Variants in SQSTM1 observed in about 807,000 individuals in gnomAD.
SQSTM1 encodes sequestosome 1.
In SQSTM1, 36 loss-of-function variants were observed where a neutral mutation model predicts 45.1. The observed-to-expected ratio is 0.80, with a 90% CI of 0.61 to 1.05. The LOEUF (loss-of-function observed/expected upper bound fraction) is 1.05. Among genes scored for constraint, SQSTM1 ranks in the 50% least tolerant of loss-of-function variants. SQSTM1 has a pLI of 0.00. For missense variants in SQSTM1, 617 were observed against 607.1 expected, an observed-to-expected ratio of 1.02 and a Z score of -0.17; for synonymous variants, 290 against 244.3, an observed-to-expected ratio of 1.19 and a Z score of -1.74.
upstream of SQSTM1, among the ~76,000 whole-genome samples, chr5:179,819,335 C>G (rs542923131): frequency 2.7e-5 from 4 of 149,112 alleles, no homozygotes; most frequent in Admixed American, 6.6e-5. Flanking sequence ...CGCCCCCCCC[C>G]CAGTCTCTTC....
chr5:179,806,393 G>C, upstream of SQSTM1: 1 of 729,466 alleles, frequency 1.4e-6, no homozygotes. The surrounding 1 kb of genome is among the most constrained non-coding windows in gnomAD (Gnocchi z 4.6). Context: ...CGCCTGCGTC[G>C]GCTTCCGGCC....
chr5:179,816,754 C>T (rs972634216), upstream of SQSTM1, among the ~76,000 whole-genome samples: 2 of 151,396 alleles, frequency 1.3e-5, no homozygotes, highest in Non-Finnish European at 2.9e-5. Flanking sequence ...GGTCACTTTG[C>T]CGTCTTCCTC....
intron 1 of SQSTM1, 156 bp from the exon 2 acceptor site, chr5:179,822,802 A>G: frequency 1.4e-6 from 1 of 711,496 alleles, no homozygotes; most frequent in South Asian, 1.5e-5. Flanking sequence ...GCAAGGGGGT[A>G]GTCTTGCCTC....
Position 179,833,156 on chromosome 5 carries a change from CAGCAAGCCGGGT to C in SQSTM1, c.880_891del (p.Ser294_Gly297del), listed in dbSNP as rs1758323464. 4 of 1,614,012 alleles carry C rather than the reference CAGCAAGCCGGGT, an allele frequency of 2.5e-6. No homozygotes were observed. The highest frequency in any genetic ancestry group is 3.4e-6 in the Non-Finnish European group (4 of 1,180,028). ...AGCCAAGCAGCTGCTGCTCTGACCC[CAGCAAGCCGGGT>C]GGGAATGTTGAGGGCGCCACGCAGT... On this transcript the variant is annotated inframe_deletion, in exon 6 of 8. Transcript: ENST00000389805.
At chr5:179,829,980 T>C (rs1758145435) in intron 5 of SQSTM1, among the ~76,000 whole-genome samples, 1 of 152,068 alleles carries the variant, frequency 6.6e-6, no homozygotes, top group African/African-American at 2.4e-5. Context: ...CATGGAGTTG[T>C]GTACTTATGG....
At chr5:179,836,105 G>C (rs1758541213) in intron 7 of SQSTM1, 2 of 452,374 alleles carry the variant, frequency 4.4e-6, no homozygotes, top group African/African-American at 2.0e-5. Flanking sequence ...CTTGCATGGA[G>C]GAGTGTAATA....
At chr5:179,832,613 C>T (rs564756630) in intron 5 of SQSTM1, among the ~76,000 whole-genome samples, 17 of 152,204 alleles carry the variant, frequency 1.1e-4, no homozygotes, top group African/African-American at 3.9e-4. Flanking sequence ...CCGTGTGGCC[C>T]GTGTCCTGCA....
chr5:179,813,678 T>A (rs1486763127), intron 2 of SQSTM1: 1 of 151,930 alleles, frequency 6.6e-6, no homozygotes, highest in African/African-American at 2.4e-5. Context: ...GGCGGGAGGA[T>A]CACTTGACTC....
chr5:179,806,527 GA>G lies in SQSTM1; in HGVS notation c.-219del, dbSNP rs1351391591. 4.5e-6 allele frequency: 6 copies of G among 1,339,974 alleles called. No homozygotes were observed. Among genetic ancestry groups the G allele is most frequent in the East Asian group, 4.2e-5 (1 of 23,624 alleles). 83.0% of individuals were successfully genotyped at this position (1,339,974 alleles called of 1,614,324 possible). On this transcript the variant is annotated 5_prime_UTR_variant, in exon 1 of 6. Coordinates refer to the SQSTM1 transcript ENST00000514093. This position sits in a 1 kb window ranked among gnomAD's most constrained non-coding sequence, Gnocchi z 4.6. ...GTGCCGCGTACCAGGACAGCGAGAG[GA>G]AGGCGCACAGGCAGAAGAGCAGCAG...
chr5:179,836,099 C>A, intron 7 of SQSTM1: 1 of 436,546 alleles, frequency 2.3e-6, no homozygotes, highest in Non-Finnish European at 4.3e-6. Flanking sequence ...TCATCTCTTG[C>A]ATGGAGGAGT....
rs753600779 is a variant in SQSTM1, at chr5:179,836,590, G to T, written c.1320G>T (p.Leu440Phe). 1.2e-6 allele frequency: 2 copies of T among 1,614,162 alleles called. No homozygotes were observed. Among genetic ancestry groups the T allele is most frequent in the Non-Finnish European group, 1.7e-6 (2 of 1,180,026 alleles). ...AGTATTCAAAGCATCCCCCGCCGTT[G>T]TGACCACTTTTGCCCACCTCTTCTG... is the stretch of plus-strand genomic sequence containing the variant. ...TIQYSKHPPP[L>F] The change falls in exon 8 of 8, where the codon TTG becomes TTT. Residue 440 changes from leucine (L) to phenylalanine (F), a missense_variant. Physicochemically the swap from Leu to Phe is conservative, Grantham distance 22. Transcript: ENST00000389805.
Position 179,806,570 on chromosome 5 carries a change from T to C in SQSTM1, c.-178T>C, listed in dbSNP as rs1459710527. On this transcript the variant is annotated 5_prime_UTR_variant, in exon 1 of 6. Transcript: ENST00000514093. This position sits in a 1 kb window ranked among gnomAD's most constrained non-coding sequence, Gnocchi z 4.6. ...GAGCAGCAGCGTCAGGAAGGTGCCA[T>C]TGCGGAGCCTCATCTCCTCGGGTGC... 5.4e-6 allele frequency: 7 copies of C among 1,288,184 alleles called. No individual in the cohort carries two copies. The highest frequency in any genetic ancestry group is 4.9e-5 in the East Asian group (1 of 20,230). 79.8% of individuals were successfully genotyped at this position (1,288,184 alleles called of 1,614,324 possible).
At chr5:179,822,704 C>G (rs1757828563) in intron 1 of SQSTM1, 2 of 512,530 alleles carry the variant, frequency 3.9e-6, no homozygotes, top group Admixed American at 6.2e-5. Flanking sequence ...GCCAAAGCTG[C>G]TGCCCCTGTG....
At position 179,838,029 on chromosome 5, in the gene SQSTM1, T is replaced by C. The variant is rs1276165238; in HGVS notation, c.*1436T>C. The C allele has an allele frequency of 1.3e-6, 1 of 746,730 alleles. No individual in the cohort carries two copies. Among genetic ancestry groups the C allele is most frequent in the African/African-American group, 1.8e-5 (1 of 56,718 alleles). The allele number at this position is 746,730 out of a possible 1,614,324, so 46.3% of individuals were successfully genotyped here. On this transcript the variant is annotated 3_prime_UTR_variant, in exon 8 of 8. Transcript: ENST00000389805. ...TGTCAGGCTGGGACAGGCTTTGATTTTGAGGGTTAGCAAGACAAAGCAAAT... is the reference window on the plus strand; with the variant it reads ...TGTCAGGCTGGGACAGGCTTTGATTCTGAGGGTTAGCAAGACAAAGCAAAT...
In SQSTM1 at chr5:179,825,168, G is replaced by A. The variant is rs145688323; in HGVS notation, c.696G>A (p.Pro232=). The part of the protein sequence containing the change: ...AESASGPSED[P]SVNFLKNVGE... Reference sequence around the variant, plus strand: ...AAGCTTCTGGTCCATCGGAGGATCCGAGTGTGAATTTCCTGAAGAACGTTG... The same window carrying A: ...AAGCTTCTGGTCCATCGGAGGATCCAAGTGTGAATTTCCTGAAGAACGTTG... The change falls in exon 5 of 8, where the codon CCG becomes CCA. Residue 232 remains proline, a synonymous_variant. Coordinates refer to ENST00000389805, the MANE Select transcript of SQSTM1 (RefSeq NM_003900.5). 24 of 1,614,122 alleles carry A rather than the reference G, an allele frequency of 1.5e-5. No individual in the cohort carries two copies. In the African/African-American group the frequency reaches 2.1e-4, roughly 14 times the overall value.
In SQSTM1 at chr5:179,837,469, GA is replaced by G; in HGVS notation, c.*877del. On this transcript the variant is annotated 3_prime_UTR_variant, in exon 8 of 8. Coordinates refer to ENST00000389805, the MANE Select transcript of SQSTM1 (RefSeq NM_003900.5). Reference sequence around the variant, plus strand: ...TGGGTCGAGGATTCTGTGCCTCCAGGACCAGGGGCCCACCCTCTGCCCAGGG... The same window carrying G: ...TGGGTCGAGGATTCTGTGCCTCCAGGCCAGGGGCCCACCCTCTGCCCAGGG... 6.2e-7 allele frequency: 1 copy of G among 1,613,460 alleles called. No individual in the cohort carries two copies. The highest frequency in any genetic ancestry group is 8.5e-7 in the Non-Finnish European group (1 of 1,179,688).
chr5:179,833,847 T>A, intron 7 of SQSTM1, 65 bp downstream of exon 7: 1 of 1,548,990 alleles, frequency 6.5e-7, no homozygotes, highest in Non-Finnish European at 8.9e-7. Context: ...TGCCCTCCTC[T>A]GATTTCAGCG....
At chr5:179,835,232 T>C in intron 7 of SQSTM1, 1 of 171,714 alleles carries the variant, frequency 5.8e-6, no homozygotes, top group African/African-American at 2.7e-5. Flanking sequence ...GCTCCTCACA[T>C]TCCAGACGAT....
At chr5:179,812,043 A>T (rs374708853) in intron 2 of SQSTM1, 1 of 152,108 alleles carries the variant, frequency 6.6e-6, no homozygotes, top group South Asian at 2.1e-4. Flanking sequence ...TGACTTCATG[A>T]TCCGCCCGCC....
Sources: gnomAD v4.1 joint callset for allele counts (sites outside exome capture counted in the v4.1 genomes callset) on GRCh38, gnomAD v4.1.1 for gene constraint, Gnocchi (gnomAD v3.1) non-coding constraint, MANE v1.5 for transcripts, NCBI Gene and HGNC (gene_info 2026-07-23, HGNC 2026-07-21) for gene names.